GTF2A1L: variants seen among roughly 807,000 people sequenced by gnomAD.
GTF2A1L encodes the protein general transcription factor IIA subunit 1 like.
Under a neutral mutation model 49.7 loss-of-function variants are expected in GTF2A1L, and 48 were observed. The observed-to-expected ratio is 0.97, with a 90% CI of 0.77 to 1.23. The LOEUF (loss-of-function observed/expected upper bound fraction) is 1.23, where lower values mean the gene tolerates loss of function less well. Ranked by LOEUF, GTF2A1L falls within the 50% of genes most tolerant of loss-of-function variation. The pLI, the probability that GTF2A1L is intolerant of heterozygous loss-of-function variation, is 0.00. For synonymous variants in GTF2A1L, 246 were observed against 193.5 expected, an observed-to-expected ratio of 1.27 and a Z score of -2.25; for missense variants, 736 against 564.8, an observed-to-expected ratio of 1.30 and a Z score of -3.07.
chr2:48,642,529 C>T (rs1277464212), intron 4 of GTF2A1L, 72 bp downstream of exon 4: 29 of 1,389,602 alleles, frequency 2.1e-5, no homozygotes, highest in Middle Eastern at 1.9e-4. Flanking sequence ...AAATGCTGAA[C>T]ATAGATGTAA....
At position 48,651,336 on chromosome 2, in the gene GTF2A1L, C is replaced by T. The variant is rs1407060101; in HGVS notation, c.978+4294C>T. On this transcript the variant is annotated intron_variant, in intron 6 of 8. Transcript: ENST00000403751. ...TCAGCAGCGACTTTCCTTTAACATTCAACAGGCTAAAAATACCAGTGTTTC... is the reference window on the plus strand; with the variant it reads ...TCAGCAGCGACTTTCCTTTAACATTTAACAGGCTAAAAATACCAGTGTTTC... 3.9e-5 allele frequency among the ~76,000 whole-genome samples: 6 copies of T among 152,120 alleles called. 1 individual carries two copies.
intron 3 of GTF2A1L, among the ~76,000 whole-genome samples, chr2:48,629,142 G>C (rs911203015): frequency 2.1e-5 from 3 of 142,908 alleles, no homozygotes; most frequent in African/African-American, 7.5e-5. Context: ...TCAGGAGGCT[G>C]AGGCAGGAGA....
intron 6 of GTF2A1L, among the ~76,000 whole-genome samples, chr2:48,656,301 T>C (rs2104249331): frequency 6.6e-6 from 1 of 151,436 alleles, no homozygotes; most frequent in Admixed American, 6.6e-5. Flanking sequence ...TCAACAGTAG[T>C]GCACAAGCAT....
intron 6 of GTF2A1L, among the ~76,000 whole-genome samples, chr2:48,654,676 G>A (rs1558748087): frequency 6.6e-6 from 1 of 152,158 alleles, no homozygotes; most frequent in Non-Finnish European, 1.5e-5. Flanking sequence ...GAGCCACCGT[G>A]CCTGGATAGC....
At chr2:48,648,139 A>G (rs1389837418) in intron 6 of GTF2A1L, among the ~76,000 whole-genome samples, 1 of 152,166 alleles carries the variant, frequency 6.6e-6, no homozygotes, top group Admixed American at 6.5e-5. Flanking sequence ...TGTTTCAGAT[A>G]TTTATTGAAA....
chr2:48,668,921 A>G (rs1377785022), intron 6 of GTF2A1L, among the ~76,000 whole-genome samples: 2 of 152,190 alleles, frequency 1.3e-5, no homozygotes, highest in Non-Finnish European at 2.9e-5. Context: ...TTTATTTGTT[A>G]GCTGTGCTGG....
At chr2:48,672,512 G>A (rs771846485) in intron 8 of GTF2A1L, among the ~76,000 whole-genome samples, 20 of 152,140 alleles carry the variant, frequency 1.3e-4, no homozygotes, top group Non-Finnish European at 2.5e-4. Flanking sequence ...TAGGGCAGAC[G>A]TGAAGTGCCC....
chr2:48,646,463 T>C lies in GTF2A1L; in HGVS notation c.399T>C (p.Tyr133=). The C allele has an allele frequency of 1.3e-6, 2 of 1,598,898 alleles. No individual in the cohort carries two copies. Among genetic ancestry groups the C allele is most frequent in the Non-Finnish European group, 1.7e-6 (2 of 1,175,366 alleles). ...TTTCTCCTTTTTAAGGTCACCTTTA[T>C]AAAGTCAATGTACCAATTATGGTGA... ...VTLQTVSGHL[Y]KVNVPIMVTE... Residue 133 remains tyrosine, a synonymous_variant, in exon 6 of 9, where the codon TAT becomes TAC. Transcript: ENST00000403751.
At chr2:48,638,551 A>G (rs1400182433) in intron 3 of GTF2A1L, among the ~76,000 whole-genome samples, 1 of 152,188 alleles carries the variant, frequency 6.6e-6, no homozygotes, top group African/African-American at 2.4e-5. Flanking sequence ...CTCTCAAGAA[A>G]CTAGGTATTG....
chr2:48,646,929 C>A lies in GTF2A1L; in HGVS notation c.865C>A (p.Gln289Lys), dbSNP rs753951317. The change falls in exon 6 of 9, where the codon CAG (glutamine) becomes AAG (lysine). Residue 289 changes from glutamine to lysine, a missense_variant. Gln to Lys is a moderately conservative substitution (Grantham distance 53). Coordinates refer to ENST00000403751, the MANE Select transcript of GTF2A1L (RefSeq NM_006872.5). ...CACAAGCCCTCATGGGGCTCTCCAC[C>A]AGCACGTGACTGATATTCAGCTTCA... The part of the protein sequence containing the change: ...LSTSPHGALH[Q>K]HVTDIQLHIL... The A allele has an allele frequency of 3.7e-6, 6 of 1,614,146 alleles. No individual in the cohort carries two copies. The highest frequency in any genetic ancestry group is 1.3e-5 in the African/African-American group (1 of 75,022).
intron 3 of GTF2A1L, among the ~76,000 whole-genome samples, chr2:48,640,481 A>G (rs76712207): frequency 6.6e-6 from 1 of 150,628 alleles, no homozygotes; most frequent in East Asian, 2.0e-4. Context: ...GAGCTAGATG[A>G]TGAGAACTCA....
At chr2:48,656,365 T>G (rs903534138) in intron 6 of GTF2A1L, among the ~76,000 whole-genome samples, 21 of 149,198 alleles carry the variant, frequency 1.4e-4, no homozygotes, top group South Asian at 4.2e-4. Context: ...TTTTTTTTTT[T>G]TTTTTTTTTT....
chr2:48,622,414 TA>T (rs1480528569), intron 3 of GTF2A1L, among the ~76,000 whole-genome samples: 5 of 152,252 alleles, frequency 3.3e-5, no homozygotes, highest in Non-Finnish European at 7.3e-5. Flanking sequence ...TTTAAACTAC[TA>T]TTTCATTGGG....
rs569733360 is a variant in GTF2A1L, at chr2:48,651,957, T to C, written c.978+4915T>C. Among the ~76,000 whole-genome samples, 24 of 152,312 alleles carry C rather than the reference T, an allele frequency of 1.6e-4. 3 individuals are homozygous for C. The highest frequency in any genetic ancestry group is 5.8e-4 in the African/African-American group (24 of 41,572). ...GTCCTGTGGTATCAGTTATGGATGT[T>C]GCTGTACAACTCCTGGCTATTTTGG... On this transcript the variant is annotated intron_variant, in intron 6 of 8. Transcript: ENST00000403751.
Position 48,624,320 on chromosome 2 carries a change from C to T in GTF2A1L, c.247+3030C>T, listed in dbSNP as rs1048680598. On this transcript the variant is annotated intron_variant, in intron 3 of 8. Transcript: ENST00000403751. ...CATATATTTATGAGTAATAATTCTT[C>T]GAGAACAAAAATATTTAGTAAGAAG... Among the ~76,000 whole-genome samples, 63 of 144,160 alleles carry T rather than the reference C, an allele frequency of 4.4e-4. 9 individuals carry two copies. Among genetic ancestry groups the T allele is most frequent in the Admixed American group, 7.7e-4 (11 of 14,216 alleles). The allele number at this position is 144,160 out of a possible 152,430, so 94.6% of individuals were successfully genotyped here. A position where few individuals can be genotyped will look rare whatever the true frequency, so the allele number is the denominator to read the frequency against.
intron 6 of GTF2A1L, among the ~76,000 whole-genome samples, chr2:48,653,665 C>T (rs77365943): frequency 6.6e-6 from 1 of 151,936 alleles, no homozygotes; most frequent in Admixed American, 6.6e-5. Context: ...CTGAAAGGGC[C>T]GGGCACTGGG....
intron 1 of GTF2A1L, chr2:48,618,113 C>T (rs1007874524): frequency 2.0e-5 from 11 of 537,818 alleles, no homozygotes; most frequent in Admixed American, 3.6e-5. Flanking sequence ...GCCAAAAGAA[C>T]AAGTGCCCTT....
At chr2:48,624,664 A>G (rs1676204007) in intron 3 of GTF2A1L, among the ~76,000 whole-genome samples, 1 of 143,612 alleles carries the variant, frequency 7.0e-6, no homozygotes, top group Non-Finnish European at 1.6e-5. Flanking sequence ...TATTGATCCT[A>G]TGTATCTGTG....
chr2:48,675,504 C>T (rs1679420196), intron 8 of GTF2A1L, among the ~76,000 whole-genome samples: 1 of 151,890 alleles, frequency 6.6e-6, no homozygotes, highest in Non-Finnish European at 1.5e-5. Context: ...TAAATGAAGG[C>T]CACTGGTTTA....
Sources: allele counts gnomAD v4.1 joint callset (sites outside exome capture counted in the v4.1 genomes callset), GRCh38; gene constraint gnomAD v4.1.1; transcripts MANE v1.5; gene names NCBI Gene and HGNC (gene_info 2026-07-23, HGNC 2026-07-21).